NELL1: variants seen among roughly 807,000 people sequenced by gnomAD.
NELL1 encodes neural EGFL like 1, also known as protein kinase C-binding protein NELL1.
NELL1 carries 76 observed loss-of-function variants against 107.4 expected under a neutral mutation model. The ratio of observed to expected loss-of-function variants is 0.71; its 90% CI spans 0.59 to 0.86. The LOEUF (loss-of-function observed/expected upper bound fraction) is 0.86. Among genes scored for constraint, NELL1 ranks in the 40% least tolerant of loss-of-function variants. The probability of loss-of-function intolerance (pLI) is 0.00; values close to 1 mark genes in which losing one functional copy is unlikely to be tolerated. For missense variants in NELL1, 1,024 were observed against 1,005.5 expected (o/e 1.02, Z -0.25); for synonymous variants, 353 against 341.2 (o/e 1.03, Z -0.38).
At chr11:20,771,783 C>T (rs937702173) in intron 2 of NELL1, among the ~76,000 whole-genome samples, 3 of 152,028 alleles carry the variant, frequency 2.0e-5, no homozygotes, top group Non-Finnish European at 2.9e-5. Context: ...TCTTTTTGCC[C>T]GCGGAGCCAC....
At chr11:21,110,613 C>T (rs1855084208) in intron 12 of NELL1, among the ~76,000 whole-genome samples, 1 of 152,108 alleles carries the variant, frequency 6.6e-6, no homozygotes, top group Non-Finnish European at 1.5e-5. Context: ...GGGAAACATT[C>T]ATTGCAGTCA....
intron 15 of NELL1, among the ~76,000 whole-genome samples, chr11:21,386,456 T>G (rs1379902510): frequency 6.6e-6 from 1 of 151,888 alleles, no homozygotes; most frequent in Admixed American, 6.6e-5. Flanking sequence ...CCCCACTTCC[T>G]TCCATAGACA....
At chr11:21,244,305 T>C (rs1170736917) in intron 14 of NELL1, among the ~76,000 whole-genome samples, 1 of 152,156 alleles carries the variant, frequency 6.6e-6, no homozygotes, top group Non-Finnish European at 1.5e-5. Flanking sequence ...ACTGTGCTGA[T>C]GCTTATTAAC....
chr11:21,182,054 T>A (rs1856839199), intron 13 of NELL1, among the ~76,000 whole-genome samples: 1 of 151,868 alleles, frequency 6.6e-6, no homozygotes. Context: ...GTGAGCTAAC[T>A]TCCCTTTTAA....
intron 14 of NELL1, among the ~76,000 whole-genome samples, chr11:21,237,675 C>A (rs1424305012): frequency 6.6e-6 from 1 of 152,016 alleles, no homozygotes; most frequent in African/African-American, 2.4e-5. Context: ...AAAGGTAGTC[C>A]AATGATCAGA....
At chr11:21,506,791 T>A (rs1855291332) in intron 15 of NELL1, among the ~76,000 whole-genome samples, 1 of 152,180 alleles carries the variant, frequency 6.6e-6, no homozygotes, top group Non-Finnish European at 1.5e-5. Flanking sequence ...GAAGATAGTA[T>A]TGGTTGAATA....
At chr11:20,673,403 C>T (rs1397759243) in intron 1 of NELL1, among the ~76,000 whole-genome samples, 1 of 152,146 alleles carries the variant, frequency 6.6e-6, no homozygotes, top group African/African-American at 2.4e-5. Context: ...GCTCTTGGAG[C>T]ATTTTTTTAG....
intron 2 of NELL1, among the ~76,000 whole-genome samples, chr11:20,734,850 A>G (rs1464981034): frequency 6.6e-6 from 1 of 152,146 alleles, no homozygotes; most frequent in Non-Finnish European, 1.5e-5. Context: ...TGGTTCTTGG[A>G]GCAACAACAG....
intron 17 of NELL1, among the ~76,000 whole-genome samples, chr11:21,564,265 G>A (rs1442330539): frequency 1.3e-5 from 2 of 151,868 alleles, no homozygotes; most frequent in Non-Finnish European, 2.9e-5. Context: ...CCTGAAAGAG[G>A]GATAGAGAAG....
intron 15 of NELL1, among the ~76,000 whole-genome samples, chr11:21,445,840 T>G (rs1028223376): frequency 6.6e-6 from 1 of 152,200 alleles, no homozygotes; most frequent in Non-Finnish European, 1.5e-5. Flanking sequence ...TAAAAGTGTC[T>G]TGTTGTTTTC....
intron 15 of NELL1, among the ~76,000 whole-genome samples, chr11:21,514,826 CA>C (rs1293320803): frequency 6.6e-6 from 1 of 152,140 alleles, no homozygotes; most frequent in Non-Finnish European, 1.5e-5. Flanking sequence ...TATTCTTTTA[CA>C]GTGTACAGTC....
intron 1 of NELL1, among the ~76,000 whole-genome samples, chr11:20,677,289 A>G (rs1314884112): frequency 6.6e-6 from 1 of 152,138 alleles, no homozygotes; most frequent in Admixed American, 6.5e-5. Context: ...TAATTAGGGA[A>G]CACTTTGTGG....
intron 15 of NELL1, among the ~76,000 whole-genome samples, chr11:21,387,666 A>G (rs918175062): frequency 1.2e-4 from 18 of 151,794 alleles, no homozygotes; most frequent in African/African-American, 3.9e-4. Context: ...GAATACAACA[A>G]AAGTTTTGAC....
chr11:21,183,060 G>A (rs890875805), intron 13 of NELL1, among the ~76,000 whole-genome samples: 1 of 151,864 alleles, frequency 6.6e-6, no homozygotes, highest in South Asian at 2.1e-4. Context: ...TAAAGATGTG[G>A]TGTTTACAGT....
intron 13 of NELL1, among the ~76,000 whole-genome samples, chr11:21,136,289 AG>A (rs1310415425): frequency 1.3e-5 from 2 of 152,070 alleles, no homozygotes; most frequent in East Asian, 1.9e-4. Flanking sequence ...GCCTGTTGTG[AG>A]GGGGGTGGGT....
chr11:20,933,422 G>C (rs1392399752), intron 9 of NELL1, among the ~76,000 whole-genome samples: 1 of 152,208 alleles, frequency 6.6e-6, no homozygotes, highest in Non-Finnish European at 1.5e-5. Context: ...GGAGAAAGCA[G>C]TATGGGGAGC....
At chr11:21,297,703 T>C (rs892693411) in intron 14 of NELL1, among the ~76,000 whole-genome samples, 2 of 152,146 alleles carry the variant, frequency 1.3e-5, no homozygotes, top group South Asian at 4.1e-4. Flanking sequence ...TTGTGCTTTC[T>C]CTCAAGGAGC....
At chr11:21,166,345 C>T (rs1856481489) in intron 13 of NELL1, among the ~76,000 whole-genome samples, 1 of 151,592 alleles carries the variant, frequency 6.6e-6, no homozygotes, top group African/African-American at 2.4e-5. Flanking sequence ...AGAGTGACTA[C>T]AGTAAAAAAT....
chr11:21,008,217 C>T (rs1485869289), intron 12 of NELL1, among the ~76,000 whole-genome samples: 3 of 152,104 alleles, frequency 2.0e-5, no homozygotes, highest in Non-Finnish European at 4.4e-5. Flanking sequence ...TATGTGCAGA[C>T]TTGTCTAACC....
Sources: gnomAD v4.1 joint callset for allele counts (sites outside exome capture counted in the v4.1 genomes callset) on GRCh38, gnomAD v4.1.1 for gene constraint, MANE v1.5 for transcripts, NCBI Gene and HGNC (gene_info 2026-07-23, HGNC 2026-07-21) for gene names.